Variants in TNFRSF10D observed in about 807,000 individuals in gnomAD.
The protein encoded by TNFRSF10D is TNF receptor superfamily member 10d, also known as tumor necrosis factor receptor superfamily member 10D.
TNFRSF10D carries 28 observed loss-of-function variants against 42.1 expected under a neutral mutation model. The ratio of observed to expected loss-of-function variants is 0.66; its 90% CI spans 0.49 to 0.91. TNFRSF10D has a LOEUF of 0.91. Among genes scored for constraint, TNFRSF10D ranks in the 40% least tolerant of loss-of-function variants. TNFRSF10D has a pLI of 0.00. For missense variants in TNFRSF10D, 503 were observed against 486.1 expected (o/e 1.03, Z -0.33); for synonymous variants, 186 against 189.4 (o/e 0.98, Z 0.15).
intron 3 of TNFRSF10D, 74 bp downstream of exon 3, chr8:23,148,364 A>T: frequency 8.4e-7 from 1 of 1,186,034 alleles, no homozygotes; most frequent in Non-Finnish European, 1.2e-6. Flanking sequence ...TGGTTCCCCG[A>T]CTCACATCGG....
chr8:23,152,909 A>G (rs1800228630), intron 2 of TNFRSF10D, among the ~76,000 whole-genome samples: 1 of 152,250 alleles, frequency 6.6e-6, no homozygotes, highest in African/African-American at 2.4e-5. Flanking sequence ...TCAAATAGCC[A>G]AAGTGATCTT....
chr8:23,149,687 C>T (rs1292038837), intron 2 of TNFRSF10D, among the ~76,000 whole-genome samples: 5 of 152,072 alleles, frequency 3.3e-5, no homozygotes, highest in South Asian at 2.1e-4. Flanking sequence ...TATCCCCCAG[C>T]GCCTGCACCC....
intron 3 of TNFRSF10D, among the ~76,000 whole-genome samples, chr8:23,147,370 G>A (rs1249247908): frequency 6.6e-6 from 1 of 152,232 alleles, no homozygotes; most frequent in East Asian, 1.9e-4. Context: ...TCTGCAAGGA[G>A]AGGGGCCCTT....
In TNFRSF10D at chr8:23,150,976, A is replaced by G. The variant is rs543336302; in HGVS notation, c.257-2425T>C. Among the ~76,000 whole-genome samples the G allele has an allele frequency of 3.9e-4, 60 of 152,342 alleles. 1 individual carries two copies. The highest frequency in any genetic ancestry group is 1.3e-3 in the African/African-American group (55 of 41,576). On this transcript the variant is annotated intron_variant, in intron 2 of 8. Transcript: ENST00000312584. ...GGTCCAAGGAGCATCAGAGAAAGTG[A>G]AAGGAACAGAAAGTGTAATTAAAGA...
At chr8:23,154,036 C>T (rs907419504) in intron 2 of TNFRSF10D, among the ~76,000 whole-genome samples, 9 of 152,166 alleles carry the variant, frequency 5.9e-5, no homozygotes, top group Admixed American at 1.3e-4. Flanking sequence ...TACTATTCAG[C>T]CTCAACAAAG....
chr8:23,162,365 T>C (rs969456850), intron 1 of TNFRSF10D, among the ~76,000 whole-genome samples: 1 of 152,194 alleles, frequency 6.6e-6, no homozygotes, highest in Non-Finnish European at 1.5e-5. Flanking sequence ...CTCAGGTAGG[T>C]CCACCCACTA....
intron 6 of TNFRSF10D, among the ~76,000 whole-genome samples, chr8:23,144,838 ACCGAGGC>A (rs1800091553): frequency 6.6e-6 from 1 of 151,832 alleles, no homozygotes; most frequent in South Asian, 2.1e-4. Context: ...TGATGGTGTC[ACCGAGGC>A]TGCAGGAAGG....
rs188983805 is a variant in TNFRSF10D at position 23,135,872 on chromosome 8, C to G, written c.*1998G>C. 1,579 of 451,426 alleles carry G rather than the reference C, an allele frequency of 3.5e-3. No individual in the cohort carries two copies. The highest frequency in any genetic ancestry group is 0.018 in the African/African-American group (874 of 49,832). 28.0% of individuals were successfully genotyped at this position (451,426 alleles called of 1,614,324 possible). On this transcript the variant is annotated 3_prime_UTR_variant, in exon 9 of 9. Transcript: ENST00000312584. Reference sequence around the variant, plus strand: ...CTCTCTCTGAGCTTTGAGACCAAGTCTCCTGCACAGAAGGCCCAGCAAAGG... The same window carrying G: ...CTCTCTCTGAGCTTTGAGACCAAGTGTCCTGCACAGAAGGCCCAGCAAAGG...
intron 2 of TNFRSF10D, among the ~76,000 whole-genome samples, chr8:23,149,546 CTTT>C (rs557713767): frequency 9.1e-5 from 13 of 143,068 alleles, no homozygotes; most frequent in African/African-American, 3.4e-4. Context: ...GCCCAGTCTA[CTTT>C]TTTTTTTTTT....
At chr8:23,162,075 A>T (rs1408353039) in intron 1 of TNFRSF10D, among the ~76,000 whole-genome samples, 1 of 152,268 alleles carries the variant, frequency 6.6e-6, no homozygotes, top group Non-Finnish European at 1.5e-5. Context: ...TTACCCATGT[A>T]GTAAAATACA....
At chr8:23,153,369 T>C (rs1800233213) in intron 2 of TNFRSF10D, among the ~76,000 whole-genome samples, 2 of 152,104 alleles carry the variant, frequency 1.3e-5, no homozygotes. Flanking sequence ...AATAGACAGA[T>C]GAGATTATAT....
intron 2 of TNFRSF10D, among the ~76,000 whole-genome samples, chr8:23,154,305 G>C (rs182188190): frequency 6.0e-3 from 915 of 152,184 alleles, no homozygotes; most frequent in African/African-American, 0.019. Context: ...GTGTGACATG[G>C]TGACTACAGT....
intron 4 of TNFRSF10D, among the ~76,000 whole-genome samples, chr8:23,146,713 GT>G (rs1800125890): frequency 6.6e-6 from 1 of 152,022 alleles, no homozygotes; most frequent in Non-Finnish European, 1.5e-5. Context: ...CCTGTGCCCA[GT>G]GAACAATTCA....
intron 4 of TNFRSF10D, among the ~76,000 whole-genome samples, chr8:23,146,613 G>C (rs1173187789): frequency 6.1e-3 from 936 of 152,202 alleles, no homozygotes; most frequent in African/African-American, 0.019. Context: ...ATACAAGCCA[G>C]GCTGGATTCA....
At chr8:23,144,377 T>C (rs1015521779) in intron 7 of TNFRSF10D, 73 bp downstream of exon 7, 3 of 1,520,704 alleles carry the variant, frequency 2.0e-6, no homozygotes, top group Non-Finnish European at 2.7e-6. Flanking sequence ...GAGGAGGCAC[T>C]GCCATGTCCC....
chr8:23,155,633 G>A (rs1003589359), intron 1 of TNFRSF10D, among the ~76,000 whole-genome samples: 8 of 151,880 alleles, frequency 5.3e-5, no homozygotes, highest in East Asian at 3.9e-4. Context: ...GCAGGAGAAC[G>A]GCGTGAACCC....
At position 23,146,954 on chromosome 8, in the gene TNFRSF10D, G is replaced by C; in HGVS notation, c.482+7C>G. 1 of 1,612,702 alleles carries C rather than the reference G, an allele frequency of 6.2e-7. No homozygotes were observed. The highest frequency in any genetic ancestry group is 1.1e-5 in the South Asian group (1 of 91,050). The stretch of plus-strand genomic sequence containing the variant: ...AAGCTGTTGGGAGCCCCTGGCTGCT[G>C]TCTTACCCTGTTCTACACGTCCGGC... On this transcript the variant is annotated splice_region_variant and intron_variant, in intron 4 of 8. Coordinates refer to ENST00000312584, the MANE Select transcript of TNFRSF10D (RefSeq NM_003840.5).
intron 2 of TNFRSF10D, among the ~76,000 whole-genome samples, chr8:23,148,766 T>G (rs1800164509): frequency 6.6e-6 from 1 of 152,086 alleles, no homozygotes. Context: ...ACATGCAAAA[T>G]TCAAATTCTA....
intron 6 of TNFRSF10D, among the ~76,000 whole-genome samples, 186 bp downstream of exon 6, chr8:23,144,872 G>T (rs1800092043): frequency 6.6e-6 from 1 of 152,176 alleles, no homozygotes; most frequent in Admixed American, 6.5e-5. Context: ...CTGCAGCACG[G>T]CCTGCTGGTC....
Sources: allele counts gnomAD v4.1 joint callset (sites outside exome capture counted in the v4.1 genomes callset), GRCh38; gene constraint gnomAD v4.1.1; transcripts MANE v1.5; gene names NCBI Gene and HGNC (gene_info 2026-07-23, HGNC 2026-07-21).